Variants in LARP4 observed in about 807,000 individuals in gnomAD.
The protein encoded by LARP4 is La ribonucleoprotein 4.
LARP4 carries 29 observed loss-of-function variants against 92.9 expected under a neutral mutation model. The ratio of observed to expected loss-of-function variants is 0.31; its 90% CI spans 0.23 to 0.43. The LOEUF (loss-of-function observed/expected upper bound fraction) is 0.43. Ranked by LOEUF, LARP4 falls within the 20% of genes least tolerant of loss-of-function variation. The pLI is 1.00. For synonymous variants in LARP4, 279 were observed against 284.1 expected (o/e 0.98, Z 0.18); for missense variants, 732 against 860.0 (o/e 0.85, Z 1.86).
In LARP4 at chr12:50,479,002, T is replaced by A. The variant is rs1206144376; in HGVS notation, c.*3138T>A. On this transcript the variant is annotated 3_prime_UTR_variant, in exon 16 of 16. Coordinates refer to ENST00000398473, the MANE Select transcript of LARP4 (RefSeq NM_052879.5). ...TAGCTTGAATATTATTTCACATTCC[T>A]TTTTCTTTTTTAAATAAACAGGTTT... The A allele has an allele frequency of 6.6e-6, 1 of 152,574 alleles. No homozygotes were observed. The highest frequency in any genetic ancestry group is 1.5e-5 in the Non-Finnish European group (1 of 68,012). The allele number at this position is 152,574 out of a possible 1,614,324, so 9.5% of individuals were successfully genotyped here. A position where few individuals can be genotyped will look rare whatever the true frequency, so the allele number is the denominator to read the frequency against.
intron 1 of LARP4, chr12:50,401,327 A>C: frequency 1.3e-5 from 5 of 399,026 alleles, no homozygotes; most frequent in Middle Eastern, 7.3e-4. Flanking sequence ...GACCTCCTAA[A>C]GGAGGCAGCA....
chr12:50,467,056 T>G lies in LARP4; in HGVS notation c.1481T>G (p.Met494Arg), dbSNP rs781594961. 6.2e-7 allele frequency: 1 copy of G among 1,613,856 alleles called. No homozygotes were observed. The highest frequency in any genetic ancestry group is 2.2e-5 in the East Asian group (1 of 44,862). ...FPPLPGSSSR[M>R]PGELVLENRM... ...CCTTTACCTGGAAGTTCATCAAGAA[T>G]GCCAGGTGAACTCGTTTTGGAGAAT... The change falls in exon 13 of 16, where the codon ATG becomes AGG. Residue 494 changes from methionine to arginine, a missense_variant. Coordinates refer to ENST00000398473, the MANE Select transcript of LARP4 (RefSeq NM_052879.5).
chr12:50,407,238 C>T (rs1945018854), intron 1 of LARP4, among the ~76,000 whole-genome samples: 2 of 151,504 alleles, frequency 1.3e-5, no homozygotes, highest in South Asian at 4.2e-4. Flanking sequence ...ATTGGTCAGG[C>T]TGGTCTCGAA....
intron 1 of LARP4, among the ~76,000 whole-genome samples, chr12:50,426,681 T>TGGGGG (rs200197282): frequency 9.1e-6 from 1 of 109,328 alleles, no homozygotes; most frequent in African/African-American, 4.1e-5. Flanking sequence ...GCATTATGTT[T>TGGGGG]GGGGTGTGTG....
intron 12 of LARP4, among the ~76,000 whole-genome samples, chr12:50,463,312 G>A (rs1438272113): frequency 6.7e-6 from 1 of 149,884 alleles, no homozygotes; most frequent in Non-Finnish European, 1.5e-5. Flanking sequence ...GGCCAGGCAT[G>A]GCGACTCAAG....
chr12:50,421,760 A>G (rs548793873), intron 1 of LARP4, among the ~76,000 whole-genome samples: 1 of 152,312 alleles, frequency 6.6e-6, no homozygotes, highest in South Asian at 2.1e-4. Flanking sequence ...TCCCGCCTAT[A>G]ACCACATGCT....
At chr12:50,436,101 G>GGT (rs141076360) in intron 5 of LARP4, among the ~76,000 whole-genome samples, 120,056 of 134,840 alleles carry the variant, frequency 0.89, 53,453 homozygotes, top group East Asian at 0.98. Flanking sequence ...GTATCCCGCT[G>GGT]GTGTGTGTGT....
In LARP4 at chr12:50,473,556, AG is replaced by A; in HGVS notation, c.1667+21del. The A allele has an allele frequency of 6.2e-7, 1 of 1,605,376 alleles. No homozygotes were observed. The highest frequency in any genetic ancestry group is 8.5e-7 in the Non-Finnish European group (1 of 1,173,672). On this transcript the variant is annotated intron_variant, in intron 14 of 15. Transcript: ENST00000398473. The stretch of plus-strand genomic sequence containing the variant: ...ATTAAGGTACAAGTTATAGTATAGA[AG>A]ATCTTCAACATTAAATTACTTTTTC...
At chr12:50,445,736 T>TAG (rs1951904929) in intron 8 of LARP4, among the ~76,000 whole-genome samples, 1 of 152,176 alleles carries the variant, frequency 6.6e-6, no homozygotes, top group African/African-American at 2.4e-5. Flanking sequence ...CCAGTGAATA[T>TAG]TTTAGATGCT....
intron 12 of LARP4, among the ~76,000 whole-genome samples, chr12:50,464,101 T>TCTATAA (rs1481879011): frequency 9.8e-5 from 15 of 152,336 alleles, no homozygotes; most frequent in African/African-American, 3.4e-4. Flanking sequence ...GTTATCTTTA[T>TCTATAA]AGCAGTGCTC....
intron 8 of LARP4, among the ~76,000 whole-genome samples, chr12:50,446,071 C>T (rs1190590395): frequency 1.4e-5 from 2 of 145,364 alleles, no homozygotes; most frequent in African/African-American, 2.5e-5. Flanking sequence ...GGCACAAACT[C>T]GGCTCACTGC....
At chr12:50,452,821 C>T (rs1953475491) in intron 8 of LARP4, among the ~76,000 whole-genome samples, 1 of 151,256 alleles carries the variant, frequency 6.6e-6, no homozygotes, top group Non-Finnish European at 1.5e-5. Context: ...TCTGTTTTTA[C>T]AATTCGTGTA....
intron 8 of LARP4, among the ~76,000 whole-genome samples, chr12:50,446,147 C>A (rs1271402074): frequency 6.6e-6 from 1 of 150,674 alleles, no homozygotes; most frequent in Non-Finnish European, 1.5e-5. Context: ...GGACTACAGG[C>A]GCCTGCCATC....
chr12:50,450,529 T>C (rs1419954297), intron 8 of LARP4, among the ~76,000 whole-genome samples: 1 of 152,184 alleles, frequency 6.6e-6, no homozygotes, highest in Non-Finnish European at 1.5e-5. Flanking sequence ...TTTTCCTTTC[T>C]TCTGCCTCAT....
chr12:50,462,323 T>C (rs930387423), intron 11 of LARP4, among the ~76,000 whole-genome samples: 2 of 151,986 alleles, frequency 1.3e-5, no homozygotes, highest in East Asian at 1.9e-4. Flanking sequence ...GTACTACAAA[T>C]ACCAAAATTA....
At chr12:50,442,789 A>G (rs893752628) in intron 8 of LARP4, among the ~76,000 whole-genome samples, 2 of 152,248 alleles carry the variant, frequency 1.3e-5, no homozygotes, top group Admixed American at 6.5e-5. Context: ...CTAGTTTCAC[A>G]TAACTAGTAA....
chr12:50,452,673 A>T (rs1172240878), intron 8 of LARP4, among the ~76,000 whole-genome samples: 2 of 151,934 alleles, frequency 1.3e-5, no homozygotes, highest in African/African-American at 4.8e-5. Flanking sequence ...TTCTTTGATG[A>T]TTAGTGATTT....
chr12:50,423,518 G>A (rs1228943046), intron 1 of LARP4, among the ~76,000 whole-genome samples: 3 of 151,966 alleles, frequency 2.0e-5, no homozygotes, highest in Non-Finnish European at 4.4e-5. Flanking sequence ...GCGTAATCTC[G>A]GCTCACCACA....
intron 1 of LARP4, among the ~76,000 whole-genome samples, chr12:50,414,051 G>C (rs2136491674): frequency 6.6e-6 from 1 of 152,142 alleles, no homozygotes; most frequent in Non-Finnish European, 1.5e-5. Context: ...TGTATTTAAG[G>C]CTTTTAATAA....
Sources: allele counts gnomAD v4.1 joint callset (sites outside exome capture counted in the v4.1 genomes callset), GRCh38; gene constraint gnomAD v4.1.1; transcripts MANE v1.5; gene names NCBI Gene and HGNC (gene_info 2026-07-23, HGNC 2026-07-21).